Variants in MCF2L observed in about 807,000 individuals in gnomAD.
MCF2L encodes MCF.2 cell line derived transforming sequence like.
MCF2L carries 97 observed loss-of-function variants against 153.4 expected under a neutral mutation model. The observed-to-expected ratio is 0.63, with a 90% CI of 0.54 to 0.75. The LOEUF is 0.75. Ranked by LOEUF, MCF2L falls within the 30% of genes least tolerant of loss-of-function variation. The probability of loss-of-function intolerance (pLI) is 0.00; values close to 1 mark genes in which losing one functional copy is unlikely to be tolerated. For synonymous variants in MCF2L, 659 were observed against 632.2 expected, an observed-to-expected ratio of 1.04 and a Z score of -0.64; for missense variants, 1,347 against 1,495.2, an observed-to-expected ratio of 0.90 and a Z score of 1.64.
At position 113,095,146 on chromosome 13, in the gene MCF2L, AC is replaced by A. The variant is rs1315447473; in HGVS notation, c.3075+512del. On this transcript the variant is annotated intron_variant, in intron 27 of 29. Coordinates refer to ENST00000535094, the MANE Select transcript of MCF2L (RefSeq NM_001112732.3). The stretch of plus-strand genomic sequence containing the variant: ...TAAGCATGGATTTGCATTTGAAAAA[AC>A]ATTCATTGTTAATGTCAGAAGCAAG... 97 of 1,297,430 alleles carry A rather than the reference AC, an allele frequency of 7.5e-5. No homozygotes were observed. In the African/African-American group the frequency reaches 1.4e-3, roughly 19 times the overall value. 80.4% of individuals were successfully genotyped at this position (1,297,430 alleles called of 1,614,324 possible).
intron 2 of MCF2L, among the ~76,000 whole-genome samples, chr13:112,937,548 T>C (rs1340483651): frequency 6.6e-6 from 1 of 152,234 alleles, no homozygotes; most frequent in East Asian, 1.9e-4. Flanking sequence ...CTGCAGCCTT[T>C]GGTGTGAAAG....
chr13:112,960,960 TG>T lies in MCF2L; in HGVS notation c.170-53798del, dbSNP rs1190597167. Among the ~76,000 whole-genome samples, 1 of 152,182 alleles carries T rather than the reference TG, an allele frequency of 6.6e-6. No individual in the cohort carries two copies. The highest frequency in any genetic ancestry group is 1.5e-5 in the Non-Finnish European group (1 of 68,026). ...ACTGCAGGCCGTGCCGCAGCTCAAG[TG>T]GGGGCCCCTGAGGGGCCTCCAGTGT... On this transcript the variant is annotated intron_variant, in intron 2 of 29. Transcript: ENST00000375608. The surrounding 1 kb of genome is among the most constrained non-coding windows in gnomAD (Gnocchi z 4.2).
At chr13:113,052,918 A>G (rs557652158) in intron 4 of MCF2L, among the ~76,000 whole-genome samples, 1 of 151,884 alleles carries the variant, frequency 6.6e-6, no homozygotes, top group East Asian at 1.9e-4. Context: ...ACATAAACAC[A>G]CACACATATC....
chr13:113,094,695 G>A, intron 27 of MCF2L, 60 bp downstream of exon 27: 4 of 1,558,388 alleles, frequency 2.6e-6, no homozygotes, highest in Non-Finnish European at 3.5e-6. Flanking sequence ...GATTAGGGGT[G>A]CTTCTGGCAG....
At chr13:112,921,125 C>T (rs559500226) in intron 2 of MCF2L, among the ~76,000 whole-genome samples, 1 of 151,994 alleles carries the variant, frequency 6.6e-6, no homozygotes, top group South Asian at 2.1e-4. Flanking sequence ...TGCAGTGAGC[C>T]GAGATTGCAC....
rs1415271683 is a variant in MCF2L at position 112,907,556 on chromosome 13, A to C, written c.169+5185A>C. On this transcript the variant is annotated intron_variant, in intron 2 of 29. Transcript: ENST00000375608. This position sits in a 1 kb window ranked among gnomAD's most constrained non-coding sequence, Gnocchi z 5.1. ...AGGGGCTGTAGTTGTGCATTCGTGA[A>C]TCTGACGGGGGAAGATGTGTTTCTT... Among the ~76,000 whole-genome samples, 1 of 152,072 alleles carries C rather than the reference A, an allele frequency of 6.6e-6. No homozygotes were observed.
chr13:112,978,199 G>A (rs1404201041), intron 1 of MCF2L, among the ~76,000 whole-genome samples: 5 of 152,222 alleles, frequency 3.3e-5, no homozygotes, highest in Non-Finnish European at 7.3e-5. Context: ...TTGCACACAA[G>A]CCCCCAACAA....
intron 4 of MCF2L, among the ~76,000 whole-genome samples, chr13:113,056,401 T>C (rs2087780891): frequency 7.2e-6 from 1 of 138,618 alleles, no homozygotes; most frequent in African/African-American, 2.7e-5. Context: ...TGCTGAGTGT[T>C]TTGGCACTGA....
At chr13:113,056,457 G>A (rs1307452544) in intron 4 of MCF2L, among the ~76,000 whole-genome samples, 3 of 147,332 alleles carry the variant, frequency 2.0e-5, no homozygotes, top group Non-Finnish European at 3.0e-5. Context: ...CGCTGAGTGG[G>A]TGCTGTGTGT....
At chr13:112,986,368 G>A (rs987926538) in intron 1 of MCF2L, among the ~76,000 whole-genome samples, 3 of 152,142 alleles carry the variant, frequency 2.0e-5, no homozygotes, top group South Asian at 2.1e-4. Flanking sequence ...AGGAAGTCAC[G>A]GAGAGAAATG....
At chr13:113,060,504 C>A in intron 4 of MCF2L, 89 bp from the exon 5 acceptor site, 2 of 1,526,340 alleles carry the variant, frequency 1.3e-6, no homozygotes, top group Non-Finnish European at 8.9e-7. Flanking sequence ...CTGCGCGCCC[C>A]CGGTCAGCCC....
At chr13:113,023,864 G>A (rs550566356) in intron 2 of MCF2L, among the ~76,000 whole-genome samples, 7 of 152,324 alleles carry the variant, frequency 4.6e-5, no homozygotes, top group South Asian at 2.1e-4. Context: ...CCTGGGTACT[G>A]GCCTCCTCAG....
chr13:113,082,849 G>A (rs1325572346), intron 17 of MCF2L, among the ~76,000 whole-genome samples: 2 of 152,180 alleles, frequency 1.3e-5, no homozygotes, highest in African/African-American at 4.8e-5. Context: ...GGACCCGCCT[G>A]CCCCTCATCC....
chr13:112,916,313 G>A (rs557784547), intron 2 of MCF2L, among the ~76,000 whole-genome samples: 1 of 152,110 alleles, frequency 6.6e-6, no homozygotes, highest in Non-Finnish European at 1.5e-5. Context: ...GTTCCCAGAA[G>A]CCATTTTCAA....
At chr13:112,911,683 G>A (rs1017328935) in intron 2 of MCF2L, among the ~76,000 whole-genome samples, 1 of 152,256 alleles carries the variant, frequency 6.6e-6, no homozygotes, top group Non-Finnish European at 1.5e-5. Flanking sequence ...CCCCGAGGCC[G>A]AGGGCGCGGC....
At chr13:112,914,024 GC>G (rs1425769555) in intron 2 of MCF2L, among the ~76,000 whole-genome samples, 1 of 152,068 alleles carries the variant, frequency 6.6e-6, no homozygotes, top group Non-Finnish European at 1.5e-5. Flanking sequence ...AGCATCCCCA[GC>G]CCCTTCTCCC....
rs1162090344 is a variant in MCF2L, at chr13:113,094,572, T to G, written c.3012T>G (p.Ser1004Arg). 6.2e-7 allele frequency: 1 copy of G among 1,612,580 alleles called. No homozygotes were observed. Among genetic ancestry groups the G allele is most frequent in the South Asian group, 1.1e-5 (1 of 91,044 alleles). ...EAPEDDGGWS[S>R]AEEQINSSDA... The stretch of plus-strand genomic sequence containing the variant: ...CTGAGGACGACGGGGGCTGGTCAAG[T>G]GCAGAGGAGCAGATTAACTCGTCCG... Residue 1004 changes from serine (S) to arginine (R), a missense_variant, in exon 27 of 30, where the codon AGT becomes AGG. Ser to Arg is a moderately radical substitution (Grantham distance 110, BLOSUM62 -1). Around this residue, in one of 3 missense-constraint regions of MCF2L, gnomAD observed 383 missense variants for 335.4 expected, o/e 1.14. Coordinates refer to ENST00000535094, the MANE Select transcript of MCF2L (RefSeq NM_001112732.3).
chr13:113,058,066 G>A (rs574426205), intron 4 of MCF2L, among the ~76,000 whole-genome samples: 1 of 149,564 alleles, frequency 6.7e-6, no homozygotes. Flanking sequence ...TGGGTGCTGA[G>A]TGTTTCGGTG....
chr13:113,083,681 G>C (rs2034365520), intron 17 of MCF2L, among the ~76,000 whole-genome samples: 1 of 152,236 alleles, frequency 6.6e-6, no homozygotes, highest in Admixed American at 6.5e-5. Context: ...GGCGCCTCCA[G>C]GGCCCTGAAA....
Sources: allele counts gnomAD v4.1 joint callset (sites outside exome capture counted in the v4.1 genomes callset), GRCh38; gene constraint gnomAD v4.1.1; regional missense constraint gnomAD v4.1.1; non-coding constraint Gnocchi (gnomAD v3.1); transcripts MANE v1.5; gene names NCBI Gene and HGNC (gene_info 2026-07-23, HGNC 2026-07-21).